Variants in USP15 observed in about 807,000 individuals in gnomAD.
USP15 encodes the protein ubiquitin specific peptidase 15.
In USP15, 18 loss-of-function variants were observed where a neutral mutation model predicts 127.1. That is an observed-to-expected ratio of 0.14 (90% CI 0.10 to 0.21). The LOEUF (loss-of-function observed/expected upper bound fraction) is 0.21, where lower values mean the gene tolerates loss of function less well. USP15 is among the 10% of genes least tolerant of loss of function. USP15 has a pLI of 1.00. For missense variants in USP15, 805 were observed against 1,159.9 expected (o/e 0.69, Z 4.44); for synonymous variants, 364 against 393.7 (o/e 0.92, Z 0.89).
rs1259420928 is a variant in USP15, at chr12:62,409,804, T to G, written c.*5429T>G. On this transcript the variant is annotated 3_prime_UTR_variant, in exon 22 of 22. Transcript: ENST00000280377. ...ATTTCCCAAGCTGTTGTTTTAAACC[T>G]TAAACATCACCACATTTCTAATTTT... 2 of 152,038 alleles carry G rather than the reference T, an allele frequency of 1.3e-5. No individual in the cohort carries two copies. Among genetic ancestry groups the G allele is most frequent in the African/African-American group, 4.8e-5 (2 of 41,340 alleles). 9.4% of individuals were successfully genotyped at this position (152,038 alleles called of 1,614,324 possible). A position where few individuals can be genotyped will look rare whatever the true frequency, so the allele number is the denominator to read the frequency against.
intron 3 of USP15, among the ~76,000 whole-genome samples, chr12:62,304,406 C>T (rs2064414032): frequency 6.6e-6 from 1 of 152,136 alleles, no homozygotes; most frequent in Non-Finnish European, 1.5e-5. Flanking sequence ...CAATTTCCTA[C>T]AACATTAAAT....
chr12:62,390,831 A>G (rs748761307), intron 14 of USP15, 33 bp from the exon 15 acceptor site: 3 of 1,514,408 alleles, frequency 2.0e-6, no homozygotes, highest in South Asian at 2.3e-5. Flanking sequence ...TCTTTGTAGT[A>G]CTGAACTTGT....
At chr12:62,365,520 G>A (rs577604337) in intron 8 of USP15, among the ~76,000 whole-genome samples, 1 of 152,208 alleles carries the variant, frequency 6.6e-6, no homozygotes, top group East Asian at 1.9e-4. Flanking sequence ...CACGCTCATG[G>A]TAGTTTCTTT....
At position 62,413,259 on chromosome 12, in the gene USP15, A is replaced by C. The variant is rs1249561105; in HGVS notation, c.*8884A>C. 6.6e-6 allele frequency: 1 copy of C among 152,192 alleles called. No individual in the cohort carries two copies. 9.4% of individuals were successfully genotyped at this position (152,192 alleles called of 1,614,324 possible). On this transcript the variant is annotated 3_prime_UTR_variant, in exon 22 of 22. Transcript: ENST00000280377. ...CTTTATGGTTCCTTTTATAGAGCAAAAACATTATATTTAGTTTAATTTTAA... is the reference window on the plus strand; with the variant it reads ...CTTTATGGTTCCTTTTATAGAGCAACAACATTATATTTAGTTTAATTTTAA...
chr12:62,358,327 G>A (rs898626397), intron 8 of USP15, among the ~76,000 whole-genome samples: 1 of 152,120 alleles, frequency 6.6e-6, no homozygotes, highest in South Asian at 2.1e-4. Context: ...TTAATTTAAT[G>A]ATATTGGTAC....
In USP15 at chr12:62,412,097, A is replaced by C. The variant is rs900885369; in HGVS notation, c.*7722A>C. 1 of 152,194 alleles carries C rather than the reference A, an allele frequency of 6.6e-6. No homozygotes were observed. Among genetic ancestry groups the C allele is most frequent in the Non-Finnish European group, 1.5e-5 (1 of 68,040 alleles). 9.4% of individuals were successfully genotyped at this position (152,194 alleles called of 1,614,324 possible). A position where few individuals can be genotyped will look rare whatever the true frequency, so the allele number is the denominator to read the frequency against. On this transcript the variant is annotated 3_prime_UTR_variant, in exon 22 of 22. Coordinates refer to ENST00000280377, the MANE Select transcript of USP15 (RefSeq NM_001252078.2). ...CCCAGCCACCATAAATATTTAAATAAAGTGAGTCACAAATTTTTTGGTTTC... is the reference window on the plus strand; with the variant it reads ...CCCAGCCACCATAAATATTTAAATACAGTGAGTCACAAATTTTTTGGTTTC...
At chr12:62,270,974 T>C (rs1386860209) in intron 1 of USP15, among the ~76,000 whole-genome samples, 1 of 152,106 alleles carries the variant, frequency 6.6e-6, no homozygotes, top group African/African-American at 2.4e-5. Flanking sequence ...TGTGGTATAG[T>C]AGTATTTGCA....
At position 62,302,928 on chromosome 12, in the gene USP15, T is replaced by G. The variant is rs765993197; in HGVS notation, c.348+8T>G. ...GAGCCAATAGCACGAAAGGTACATT[T>G]TAATAATAACTGACTATAAATATTA... On this transcript the variant is annotated splice_region_variant and intron_variant, in intron 3 of 21. Coordinates refer to ENST00000280377, the MANE Select transcript of USP15 (RefSeq NM_001252078.2). 6.2e-7 allele frequency: 1 copy of G among 1,608,168 alleles called. No homozygotes were observed. The highest frequency in any genetic ancestry group is 8.5e-7 in the Non-Finnish European group (1 of 1,176,798).
intron 1 of USP15, among the ~76,000 whole-genome samples, chr12:62,269,663 C>T (rs531417142): frequency 6.6e-6 from 1 of 152,180 alleles, no homozygotes; most frequent in South Asian, 2.1e-4. Context: ...TCAAGCACTC[C>T]TCCCACCTTA....
chr12:62,293,406 G>T (rs2064033564), intron 1 of USP15, among the ~76,000 whole-genome samples: 1 of 152,086 alleles, frequency 6.6e-6, no homozygotes, highest in African/African-American at 2.4e-5. Flanking sequence ...GCCCAGGCTG[G>T]ACTGCAGTGG....
intron 7 of USP15, among the ~76,000 whole-genome samples, chr12:62,351,338 A>G (rs1166350699): frequency 1.3e-5 from 2 of 151,340 alleles, no homozygotes; most frequent in South Asian, 2.1e-4. Context: ...TTTGTATTAC[A>G]TGAGAGCTTT....
intron 8 of USP15, among the ~76,000 whole-genome samples, chr12:62,363,415 C>T (rs1465614227): frequency 6.6e-6 from 1 of 152,078 alleles, no homozygotes; most frequent in East Asian, 1.9e-4. Flanking sequence ...TCACATGTGC[C>T]AAGAGCGTGC....
At chr12:62,359,002 T>C (rs894151258) in intron 8 of USP15, among the ~76,000 whole-genome samples, 1 of 152,132 alleles carries the variant, frequency 6.6e-6, no homozygotes, top group Non-Finnish European at 1.5e-5. Context: ...ATGAAGATTA[T>C]AGCCTAGATA....
chr12:62,274,729 G>T (rs1240484741), intron 1 of USP15, among the ~76,000 whole-genome samples: 3 of 152,094 alleles, frequency 2.0e-5, no homozygotes, highest in African/African-American at 4.8e-5. Flanking sequence ...GAAGAAAAAG[G>T]TTGCTCTACC....
intron 21 of USP15, among the ~76,000 whole-genome samples, chr12:62,401,488 A>G (rs2067686250): frequency 6.6e-6 from 1 of 152,040 alleles, no homozygotes; most frequent in Non-Finnish European, 1.5e-5. Flanking sequence ...CATAAATTGC[A>G]AGGTGAAAAA....
In USP15 at chr12:62,414,092, C is replaced by T. The variant is rs897812818; in HGVS notation, c.*9717C>T. 1 of 152,028 alleles carries T rather than the reference C, an allele frequency of 6.6e-6. No individual in the cohort carries two copies. Among genetic ancestry groups the T allele is most frequent in the African/African-American group, 2.4e-5 (1 of 41,386 alleles). 9.4% of individuals were successfully genotyped at this position (152,028 alleles called of 1,614,324 possible). A position where few individuals can be genotyped will look rare whatever the true frequency, so the allele number is the denominator to read the frequency against. ...GAACACACACGTCTGTGCCCTCAAA[C>T]AAAACAGTAACATCAAAGATTACTG... On this transcript the variant is annotated 3_prime_UTR_variant, in exon 22 of 22. Transcript: ENST00000280377.
chr12:62,320,740 G>A (rs1376363170), intron 4 of USP15, among the ~76,000 whole-genome samples: 3 of 151,814 alleles, frequency 2.0e-5, no homozygotes, highest in Non-Finnish European at 4.4e-5. Flanking sequence ...TTCGGAGAAC[G>A]TATATTATTA....
intron 6 of USP15, chr12:62,335,280 C>T (rs967803416): frequency 5.3e-6 from 8 of 1,504,744 alleles, no homozygotes; most frequent in African/African-American, 1.4e-5. Flanking sequence ...CCCTAAATAA[C>T]CTGATATTAA....
intron 1 of USP15, among the ~76,000 whole-genome samples, chr12:62,291,775 T>C (rs1299063781): frequency 6.6e-6 from 1 of 152,202 alleles, no homozygotes; most frequent in East Asian, 1.9e-4. Flanking sequence ...TTCCTGGTTT[T>C]AGATAGCCTT....
Sources: gnomAD v4.1 joint callset for allele counts (sites outside exome capture counted in the v4.1 genomes callset) on GRCh38, gnomAD v4.1.1 for gene constraint, MANE v1.5 for transcripts, NCBI Gene and HGNC (gene_info 2026-07-23, HGNC 2026-07-21) for gene names.